Variants in PAK1 observed in about 807,000 individuals in gnomAD.
PAK1 encodes the protein p21 (RAC1) activated kinase 1.
Under a neutral mutation model 67.4 loss-of-function variants are expected in PAK1, and 29 were observed. The observed-to-expected ratio is 0.43, with a 90% confidence interval of 0.32 to 0.59. The LOEUF is 0.59. Among genes scored for constraint, PAK1 ranks in the 20% least tolerant of loss-of-function variants. The pLI, the probability that PAK1 is intolerant of heterozygous loss-of-function variation, is 0.07. For missense variants in PAK1, 337 were observed against 670.7 expected, an observed-to-expected ratio of 0.50 and a Z score of 5.50; for synonymous variants, 223 against 237.4, an observed-to-expected ratio of 0.94 and a Z score of 0.56.
intron 1 of PAK1, among the ~76,000 whole-genome samples, chr11:77,441,254 C>G (rs1956343854): frequency 6.6e-6 from 1 of 152,070 alleles, no homozygotes; most frequent in Non-Finnish European, 1.5e-5. Flanking sequence ...GCCTAAGTTT[C>G]TTAGAGACAT....
At chr11:77,442,120 CCTG>C (rs1466557011) in intron 1 of PAK1, among the ~76,000 whole-genome samples, 1 of 152,164 alleles carries the variant, frequency 6.6e-6, no homozygotes, top group African/African-American at 2.4e-5. Context: ...AGAATCTTAA[CCTG>C]TTTATTAAAG....
At chr11:77,331,072 A>G (rs1248778690) in intron 14 of PAK1, among the ~76,000 whole-genome samples, 1 of 152,236 alleles carries the variant, frequency 6.6e-6, no homozygotes, top group Non-Finnish European at 1.5e-5. Context: ...ATGCAAATCA[A>G]AACCACAATG....
In PAK1 at chr11:77,343,836, A is replaced by G. The variant is rs757188581; in HGVS notation, c.981T>C (p.Ile327=). The G allele has an allele frequency of 1.2e-6, 2 of 1,605,208 alleles. No homozygotes were observed. The highest frequency in any genetic ancestry group is 1.1e-5 in the South Asian group (1 of 90,894). ...LVMRENKNPN[I]VNYLDSYLVG... Reference sequence around the variant, plus strand: ...CTCCATACCTGTCCAAGTAATTCACAATGTTTGGGTTCTTGTTTTCCCTCA... The same window carrying G: ...CTCCATACCTGTCCAAGTAATTCACGATGTTTGGGTTCTTGTTTTCCCTCA... Residue 327 remains isoleucine (I), a synonymous_variant, in exon 10 of 15, where the codon ATT becomes ATC. Coordinates refer to ENST00000356341, the MANE Select transcript of PAK1 (RefSeq NM_002576.5).
intron 1 of PAK1, among the ~76,000 whole-genome samples, chr11:77,419,280 T>C (rs1249552917): frequency 1.3e-5 from 2 of 152,232 alleles, no homozygotes; most frequent in Non-Finnish European, 2.9e-5. Flanking sequence ...TCTCAAATGA[T>C]GTGCTGAAGT....
In PAK1 at chr11:77,351,296, A is replaced by G. The variant is rs34670155; in HGVS notation, c.837-2009T>C. On this transcript the variant is annotated intron_variant, in intron 8 of 14. Coordinates refer to ENST00000356341, the MANE Select transcript of PAK1 (RefSeq NM_002576.5). The stretch of plus-strand genomic sequence containing the variant: ...GATGTTGCCTATTTATAGGTCTCAT[A>G]TATCAGTAACTAAAAAAAAAAAAAA... 8.4e-3 allele frequency among the ~76,000 whole-genome samples: 1,274 copies of G among 151,864 alleles called. 6 individuals are homozygous for G. The highest frequency in any genetic ancestry group is 0.012 in the Non-Finnish European group (820 of 67,916).
At chr11:77,462,200 G>A (rs186317658) in intron 1 of PAK1, among the ~76,000 whole-genome samples, 196 of 151,960 alleles carry the variant, frequency 1.3e-3, no homozygotes, top group African/African-American at 4.4e-3. Context: ...GCGTGGTGGC[G>A]GGCACCTGTA....
intron 1 of PAK1, among the ~76,000 whole-genome samples, chr11:77,465,239 T>A (rs989551669): frequency 5.3e-5 from 8 of 152,128 alleles, no homozygotes; most frequent in Non-Finnish European, 7.3e-5. Context: ...AGCACCCAAA[T>A]GATCAGGAAC....
intron 14 of PAK1, among the ~76,000 whole-genome samples, chr11:77,324,768 CACACACACAGAG>C (rs973201771): frequency 2.7e-4 from 32 of 120,284 alleles, no homozygotes; most frequent in East Asian, 1.7e-3. Flanking sequence ...CACACACACA[CACACACACAGAG>C]AGAGAGAGAG....
intron 2 of PAK1, among the ~76,000 whole-genome samples, chr11:77,380,957 G>C (rs1949728900): frequency 6.6e-6 from 1 of 152,162 alleles, no homozygotes; most frequent in South Asian, 2.1e-4. Flanking sequence ...TTGTTACCCA[G>C]CACCTGTGAA....
intron 2 of PAK1, among the ~76,000 whole-genome samples, chr11:77,386,592 G>A (rs1950476855): frequency 6.6e-6 from 1 of 152,034 alleles, no homozygotes; most frequent in African/African-American, 2.4e-5. Context: ...TGCTAGAGAG[G>A]TCAGCATTAG....
At chr11:77,444,536 A>G (rs1956510542) in intron 1 of PAK1, among the ~76,000 whole-genome samples, 1 of 152,130 alleles carries the variant, frequency 6.6e-6, no homozygotes, top group Admixed American at 6.5e-5. Context: ...TTGTAAACTC[A>G]TCACAATTAC....
chr11:77,481,284 A>G, the PAK1 span, among the ~76,000 whole-genome samples: 1 of 152,148 alleles, frequency 6.6e-6, no homozygotes, highest in Non-Finnish European at 1.5e-5. Context: ...AAAATCTCCA[A>G]ATATATATAA....
chr11:77,521,035 G>T, the PAK1 span, among the ~76,000 whole-genome samples: 1 of 152,136 alleles, frequency 6.6e-6, no homozygotes, highest in East Asian at 1.9e-4. Context: ...AGTAGCCTTT[G>T]AATTCCCTAG....
intron 1 of PAK1, among the ~76,000 whole-genome samples, chr11:77,417,480 G>C (rs909681834): frequency 6.6e-6 from 1 of 152,188 alleles, no homozygotes; most frequent in African/African-American, 2.4e-5. Context: ...GGGGTTAGTG[G>C]TTAAGGAATG....
At position 77,473,621 on chromosome 11, in the gene PAK1, G is replaced by C. The variant is rs952635851; in HGVS notation, c.-91C>G. The C allele has an allele frequency of 6.5e-6, 1 of 152,770 alleles. No homozygotes were observed. The highest frequency in any genetic ancestry group is 2.4e-5 in the African/African-American group (1 of 41,400). 9.5% of individuals were successfully genotyped at this position (152,770 alleles called of 1,614,324 possible). On this transcript the variant is annotated 5_prime_UTR_variant, in exon 1 of 15. Coordinates refer to ENST00000356341, the MANE Select transcript of PAK1 (RefSeq NM_002576.5). ...GGCGGTGGGTGCCGCCTAGCCGGGA[G>C]TGAGGGCGCGAGTGTGCGCGAGCTA...
chr11:77,452,101 T>C (rs970254653), intron 1 of PAK1, among the ~76,000 whole-genome samples: 2 of 152,242 alleles, frequency 1.3e-5, no homozygotes, highest in South Asian at 2.1e-4. Flanking sequence ...TAATAAGTGA[T>C]GGAGCTAAAA....
At chr11:77,508,854 G>A in the PAK1 span, among the ~76,000 whole-genome samples, 2 of 149,948 alleles carry the variant, frequency 1.3e-5, no homozygotes, top group African/African-American at 2.4e-5. Flanking sequence ...TAGAGATGGG[G>A]TTTCACCGTG....
intron 14 of PAK1, among the ~76,000 whole-genome samples, chr11:77,326,116 G>A (rs75590556): frequency 0.018 from 2,663 of 152,156 alleles, 44 homozygotes; most frequent in Middle Eastern, 0.027. Flanking sequence ...ATCACTAGTG[G>A]GCAATACAAT....
the PAK1 span, among the ~76,000 whole-genome samples, chr11:77,485,245 G>A: frequency 6.6e-6 from 1 of 152,122 alleles, no homozygotes; most frequent in Non-Finnish European, 1.5e-5. Flanking sequence ...ATAAGCTCTA[G>A]TATTTGATAC....
Sources: gnomAD v4.1 joint callset for allele counts (sites outside exome capture counted in the v4.1 genomes callset) on GRCh38, gnomAD v4.1.1 for gene constraint, MANE v1.5 for transcripts, NCBI Gene and HGNC (gene_info 2026-07-23, HGNC 2026-07-21) for gene names.